The following CNTNAP2 variants were observed in gnomAD, a reference collection of about 807,000 sequenced individuals.
CNTNAP2 encodes contactin-associated protein-like 2.
A neutral mutation model predicts 155.2 loss-of-function variants in CNTNAP2; 98 were observed. That is an observed-to-expected ratio of 0.63 (90% CI 0.54 to 0.75). The LOEUF is 0.75. Among genes scored for constraint, CNTNAP2 ranks in the 30% least tolerant of loss-of-function variants. The probability of loss-of-function intolerance (pLI) is 0.00; values close to 1 mark genes in which losing one functional copy is unlikely to be tolerated. For synonymous variants in CNTNAP2, 651 were observed against 631.2 expected, an observed-to-expected ratio of 1.03 and a Z score of -0.47; for missense variants, 1,727 against 1,688.1, an observed-to-expected ratio of 1.02 and a Z score of -0.40.
intron 21 of CNTNAP2, among the ~76,000 whole-genome samples, chr7:148,309,160 G>C (rs1797546209): frequency 6.6e-6 from 1 of 152,184 alleles, no homozygotes; most frequent in Non-Finnish European, 1.5e-5. Context: ...ACAAAGCCTA[G>C]ATTTTCTAGA....
At chr7:147,849,039 G>A (rs1474961095) in intron 13 of CNTNAP2, among the ~76,000 whole-genome samples, 2 of 152,068 alleles carry the variant, frequency 1.3e-5, no homozygotes, top group South Asian at 2.1e-4. Context: ...AATGAAAATT[G>A]TTCAGTAAAA....
chr7:146,328,066 C>A (rs575160358), intron 1 of CNTNAP2, among the ~76,000 whole-genome samples: 1 of 152,170 alleles, frequency 6.6e-6, no homozygotes, highest in Admixed American at 6.5e-5. Flanking sequence ...CTGTTAGGGA[C>A]GTGGCTGCTC....
intron 21 of CNTNAP2, among the ~76,000 whole-genome samples, chr7:148,297,766 G>C (rs138332571): frequency 6.6e-6 from 1 of 152,094 alleles, no homozygotes; most frequent in Non-Finnish European, 1.5e-5. Context: ...GATCATTTTC[G>C]TGTTCTGGCC....
intron 2 of CNTNAP2, among the ~76,000 whole-genome samples, chr7:146,783,596 A>C (rs1032896542): frequency 2.6e-5 from 4 of 152,214 alleles, no homozygotes; most frequent in Non-Finnish European, 5.9e-5. Flanking sequence ...TACCTTTTTA[A>C]ATTTTAAAAT....
intron 8 of CNTNAP2, among the ~76,000 whole-genome samples, chr7:147,283,432 G>T (rs1805096042): frequency 6.6e-6 from 1 of 151,698 alleles, no homozygotes; most frequent in Admixed American, 6.6e-5. Flanking sequence ...TAACTAGAGG[G>T]ATGCTCATCT....
intron 13 of CNTNAP2, among the ~76,000 whole-genome samples, chr7:147,788,904 T>TTC (rs1427809442): frequency 1.6e-5 from 2 of 121,402 alleles, no homozygotes; most frequent in African/African-American, 6.0e-5. Context: ...CTTTTTCTTT[T>TTC]TTTTTTTTTT....
intron 1 of CNTNAP2, among the ~76,000 whole-genome samples, chr7:146,280,466 G>A (rs2129084767): frequency 1.3e-5 from 2 of 151,934 alleles, no homozygotes; most frequent in African/African-American, 4.8e-5. Context: ...CTTGCCTTTT[G>A]ATATTAAGGC....
chr7:146,490,871 T>C (rs150687666), intron 1 of CNTNAP2, among the ~76,000 whole-genome samples: 3 of 152,302 alleles, frequency 2.0e-5, no homozygotes, highest in African/African-American at 7.2e-5. Flanking sequence ...GTAGTACTGA[T>C]AAATGGCGAA....
intron 8 of CNTNAP2, among the ~76,000 whole-genome samples, chr7:147,263,783 T>C (rs1250802763): frequency 1.3e-5 from 2 of 152,234 alleles, no homozygotes; most frequent in Non-Finnish European, 2.9e-5. Flanking sequence ...GATGGATACC[T>C]TGATATTTAA....
At chr7:148,039,063 A>G (rs868367186) in intron 15 of CNTNAP2, among the ~76,000 whole-genome samples, 5 of 152,172 alleles carry the variant, frequency 3.3e-5, no homozygotes, top group East Asian at 1.9e-4. Context: ...GGCTCATGCA[A>G]TTGGGAGGTT....
chr7:148,000,704 A>G (rs909769102), intron 15 of CNTNAP2, among the ~76,000 whole-genome samples: 1 of 152,218 alleles, frequency 6.6e-6, no homozygotes, highest in Non-Finnish European at 1.5e-5. Flanking sequence ...GAATTCTAGC[A>G]GACTAGATTC....
intron 3 of CNTNAP2, among the ~76,000 whole-genome samples, chr7:146,948,214 C>G (rs1584742031): frequency 6.6e-6 from 1 of 151,532 alleles, no homozygotes; most frequent in Non-Finnish European, 1.5e-5. Flanking sequence ...TATTTTATGC[C>G]AATTTCTTTG....
At chr7:148,066,063 A>G (rs550289057) in intron 15 of CNTNAP2, among the ~76,000 whole-genome samples, 1 of 152,308 alleles carries the variant, frequency 6.6e-6, no homozygotes, top group South Asian at 2.1e-4. Context: ...ACTGGATACA[A>G]AATTCTTGGC....
intron 1 of CNTNAP2, among the ~76,000 whole-genome samples, chr7:146,680,027 T>C (rs1050236060): frequency 2.0e-5 from 3 of 152,174 alleles, no homozygotes; most frequent in African/African-American, 7.2e-5. Flanking sequence ...ATGTAGAACA[T>C]GTTATGTGTC....
In CNTNAP2 at chr7:146,626,052, A is replaced by G. The variant is rs116044198; in HGVS notation, c.98-148219A>G. Among the ~76,000 whole-genome samples, 1,321 of 152,204 alleles carry G rather than the reference A, an allele frequency of 8.7e-3. 13 individuals carry two copies. Among genetic ancestry groups the G allele is most frequent in the African/African-American group, 0.03 (1,252 of 41,560 alleles). On this transcript the variant is annotated intron_variant, in intron 1 of 23. Coordinates refer to ENST00000361727, the MANE Select transcript of CNTNAP2 (RefSeq NM_014141.6). ...AAGACATACATTGTGCTTTTGCTCA[A>G]ATTTCAATTTCAGAGCTTCAAACTT...
At chr7:146,514,916 T>C (rs1797518556) in intron 1 of CNTNAP2, among the ~76,000 whole-genome samples, 1 of 152,078 alleles carries the variant, frequency 6.6e-6, no homozygotes, top group African/African-American at 2.4e-5. Context: ...ATTGTGGCCT[T>C]CTTATTAGCA....
Position 146,712,246 on chromosome 7 carries a change from T to C in CNTNAP2, c.98-62025T>C, listed in dbSNP as rs562664076. ...TACAAATATGTATACATATCTTATG[T>C]ATACAAATATGTATACATATCTTAT... On this transcript the variant is annotated intron_variant, in intron 1 of 23. Transcript: ENST00000361727. Among the ~76,000 whole-genome samples the C allele has an allele frequency of 4.7e-4, 60 of 127,692 alleles. 4 individuals carry two copies. Among genetic ancestry groups the C allele is most frequent in the African/African-American group, 1.6e-3 (57 of 34,740 alleles). 83.8% of individuals were successfully genotyped at this position (127,692 alleles called of 152,430 possible).
intron 3 of CNTNAP2, among the ~76,000 whole-genome samples, chr7:146,851,282 G>T (rs933968101): frequency 7.2e-5 from 11 of 152,026 alleles, no homozygotes; most frequent in African/African-American, 2.7e-4. Flanking sequence ...ACGGCACCTG[G>T]GCTTTTTTCT....
At chr7:147,501,300 G>A (rs371209318) in intron 11 of CNTNAP2, among the ~76,000 whole-genome samples, 17 of 151,636 alleles carry the variant, frequency 1.1e-4, no homozygotes, top group African/African-American at 3.9e-4. Context: ...AAAACTGAAC[G>A]CTTTCCCTCA....
Sources: allele counts gnomAD v4.1 joint callset (sites outside exome capture counted in the v4.1 genomes callset), GRCh38; gene constraint gnomAD v4.1.1; transcripts MANE v1.5; gene names NCBI Gene and HGNC (gene_info 2026-07-23, HGNC 2026-07-21).